The following CTDP1 variants were observed in gnomAD, a reference collection of about 807,000 sequenced individuals.
The protein encoded by CTDP1 is CTD phosphatase 1, also known as RNA polymerase II subunit A C-terminal domain phosphatase.
A neutral mutation model predicts 91.8 loss-of-function variants in CTDP1; 47 were observed. The observed-to-expected ratio is 0.51, with a 90% CI of 0.41 to 0.65. The LOEUF (loss-of-function observed/expected upper bound fraction) is 0.65, where lower values mean the gene tolerates loss of function less well. CTDP1 is among the 30% of genes least tolerant of loss of function. The probability of loss-of-function intolerance (pLI) is 0.00; values close to 1 mark genes in which losing one functional copy is unlikely to be tolerated. For synonymous variants in CTDP1, 656 were observed against 598.5 expected, an observed-to-expected ratio of 1.10 and a Z score of -1.40; for missense variants, 1,272 against 1,373.7, an observed-to-expected ratio of 0.93 and a Z score of 1.17.
At chr18:79,700,925 C>T (rs1416212979) in intron 4 of CTDP1, among the ~76,000 whole-genome samples, 1 of 152,184 alleles carries the variant, frequency 6.6e-6, no homozygotes, top group Non-Finnish European at 1.5e-5. Flanking sequence ...AAGAATGATG[C>T]TAAATCTCCT....
At position 79,729,053 on chromosome 18, in the gene CTDP1, A is replaced by G. The variant is rs1274309163; in HGVS notation, c.2564A>G (p.Glu855Gly). 6.2e-7 allele frequency: 1 copy of G among 1,613,450 alleles called. No individual in the cohort carries two copies. The highest frequency in any genetic ancestry group is 1.3e-5 in the African/African-American group (1 of 75,034). The change falls in exon 11 of 13, where the codon GAG (glutamate) becomes GGG (glycine). Residue 855 changes from glutamate (E) to glycine (G), a missense_variant. Transcript: ENST00000613122. Reference sequence around the variant, plus strand: ...TACACTCTTTGTAAGGAGGATTTAGAGAGTATGGACAAAGAGGTGAGCCAA... The same window carrying G: ...TACACTCTTTGTAAGGAGGATTTAGGGAGTATGGACAAAGAGGTGAGCCAA... ...PLYTLCKEDL[E>G]SMDKEVDDIL...
At chr18:79,727,277 G>A (rs546105159) in intron 10 of CTDP1, among the ~76,000 whole-genome samples, 2 of 152,394 alleles carry the variant, frequency 1.3e-5, no homozygotes, top group South Asian at 2.1e-4. Flanking sequence ...TTTGGACTGC[G>A]TGTGTCCAGT....
intron 1 of CTDP1, among the ~76,000 whole-genome samples, chr18:79,688,896 G>A (rs2085564151): frequency 6.6e-6 from 1 of 152,254 alleles, no homozygotes; most frequent in South Asian, 2.1e-4. Flanking sequence ...ACAGTGCACA[G>A]AATTCTCACA....
At chr18:79,686,643 A>G (rs1260045099) in intron 1 of CTDP1, among the ~76,000 whole-genome samples, 3 of 152,272 alleles carry the variant, frequency 2.0e-5, no homozygotes, top group Admixed American at 1.3e-4. Flanking sequence ...AAAGACAGTA[A>G]TTTCCCTACG....
intron 2 of CTDP1, among the ~76,000 whole-genome samples, chr18:79,695,646 T>C (rs1381762790): frequency 6.6e-6 from 1 of 152,208 alleles, no homozygotes; most frequent in Non-Finnish European, 1.5e-5. Flanking sequence ...GGGGGCTGCT[T>C]TACCTCTAAT....
At chr18:79,728,858 G>A (rs1400550598) in intron 10 of CTDP1, 49 bp from the exon 11 acceptor site, 13 of 1,602,358 alleles carry the variant, frequency 8.1e-6, no homozygotes, top group Non-Finnish European at 1.0e-5. Context: ...GCGGAAAAGT[G>A]CCATTCGAAC....
intron 12 of CTDP1, among the ~76,000 whole-genome samples, chr18:79,738,244 C>T (rs556469139): frequency 2.6e-5 from 4 of 152,298 alleles, no homozygotes; most frequent in Non-Finnish European, 4.4e-5. Context: ...GGGGCTGCTC[C>T]GAGGCCGTCC....
chr18:79,690,539 G>A (rs1437354626), intron 1 of CTDP1, among the ~76,000 whole-genome samples: 8 of 152,344 alleles, frequency 5.3e-5, no homozygotes, highest in Admixed American at 1.3e-4. Flanking sequence ...TGCCTGGAGC[G>A]TGGAGGCTGG....
intron 11 of CTDP1, 147 bp from the exon 12 acceptor site, chr18:79,736,208 A>G: frequency 9.7e-7 from 1 of 1,035,726 alleles, no homozygotes; most frequent in Non-Finnish European, 1.5e-6. Flanking sequence ...TTGAGTTTCA[A>G]GCCCCAGGGC....
At chr18:79,714,236 G>A (rs1417022867) in intron 7 of CTDP1, among the ~76,000 whole-genome samples, 1 of 152,146 alleles carries the variant, frequency 6.6e-6, no homozygotes, top group Non-Finnish European at 1.5e-5. Flanking sequence ...TTTGGATTGG[G>A]GATGTTCAGC....
chr18:79,734,935 G>C (rs779235410), intron 11 of CTDP1, among the ~76,000 whole-genome samples: 7 of 152,202 alleles, frequency 4.6e-5, no homozygotes, highest in African/African-American at 7.2e-5. Context: ...TGATAAAGCC[G>C]CTGCCTTAGC....
intron 10 of CTDP1, among the ~76,000 whole-genome samples, chr18:79,727,346 C>T (rs891234531): frequency 6.6e-6 from 1 of 152,134 alleles, no homozygotes; most frequent in Admixed American, 6.5e-5. Flanking sequence ...TCGCGGTGTT[C>T]GCGGGATGGG....
intron 11 of CTDP1, among the ~76,000 whole-genome samples, chr18:79,731,280 C>T (rs503347): frequency 0.52 from 79,079 of 152,028 alleles, 21,193 homozygotes; most frequent in Middle Eastern, 0.65. Flanking sequence ...TGGCCATTTC[C>T]GGCGCGTCAG....
Position 79,717,922 on chromosome 18 carries a change from G to C in CTDP1, c.2323G>C (p.Asp775His). 6.2e-7 allele frequency: 1 copy of C among 1,613,514 alleles called. No individual in the cohort carries two copies. Among genetic ancestry groups the C allele is most frequent in the Non-Finnish European group, 8.5e-7 (1 of 1,180,006 alleles). ...GCCTGGCCCCGAGGTTCGGATCTAC[G>C]ACTCCAACACGGGGAAGCTCATCAG... ...AQPGPEVRIY[D>H]SNTGKLIRTG... The change falls in exon 10 of 13, where the codon GAC becomes CAC. Residue 775 changes from aspartate to histidine, a missense_variant. Asp to His is a moderately conservative substitution (Grantham distance 81). This residue lies in a region of CTDP1 where 881 missense variants were observed against 911.6 expected (regional missense o/e 0.97). Coordinates refer to ENST00000613122, the MANE Select transcript of CTDP1 (RefSeq NM_004715.5).
chr18:79,697,435 C>T (rs569105977), intron 3 of CTDP1, among the ~76,000 whole-genome samples: 3 of 152,340 alleles, frequency 2.0e-5, no homozygotes, highest in South Asian at 4.1e-4. Flanking sequence ...ATAGGCTGAG[C>T]GTGGAAGGTT....
At chr18:79,752,494 G>C (rs558591127) in intron 12 of CTDP1, among the ~76,000 whole-genome samples, 1 of 17,374 alleles carries the variant, frequency 5.8e-5, no homozygotes. Context: ...TAGTGGCACC[G>C]GCTGGTTATG....
At chr18:79,733,033 T>C (rs920362237) in intron 11 of CTDP1, among the ~76,000 whole-genome samples, 15 of 152,366 alleles carry the variant, frequency 9.8e-5, no homozygotes, top group African/African-American at 3.1e-4. Flanking sequence ...ACACAGTCCC[T>C]GAGTCTCCTC....
chr18:79,738,977 G>T (rs2086721329), intron 12 of CTDP1, among the ~76,000 whole-genome samples: 1 of 152,184 alleles, frequency 6.6e-6, no homozygotes, highest in African/African-American at 2.4e-5. Context: ...TCACTTTTCG[G>T]TGTAGACCCA....
rs2086194477 is a variant in CTDP1, at chr18:79,715,763, A to G, written c.2068+235A>G. Among the ~76,000 whole-genome samples the G allele has an allele frequency of 3.3e-5, 5 of 152,372 alleles. 1 individual carries two copies. The South Asian group carries it at 1.0e-3, about 32-fold the overall frequency. On this transcript the variant is annotated intron_variant, in intron 8 of 12. Coordinates refer to ENST00000613122, the MANE Select transcript of CTDP1 (RefSeq NM_004715.5). ...TCAGGGGTGGGAGTTACTCGTGTGTAGAAAGTTCAACCTTCTCCCTGGAGT... is the reference window on the plus strand; with the variant it reads ...TCAGGGGTGGGAGTTACTCGTGTGTGGAAAGTTCAACCTTCTCCCTGGAGT...
Sources: gnomAD v4.1 joint callset for allele counts (sites outside exome capture counted in the v4.1 genomes callset) on GRCh38, gnomAD v4.1.1 for gene constraint, gnomAD v4.1.1 regional missense constraint, MANE v1.5 for transcripts, NCBI Gene and HGNC (gene_info 2026-07-23, HGNC 2026-07-21) for gene names.